Variants in VWDE observed in about 807,000 individuals in gnomAD.
VWDE encodes the protein von Willebrand factor D and EGF domains.
VWDE carries 207 observed loss-of-function variants against 178.4 expected under a neutral mutation model. The observed-to-expected ratio is 1.16, with a 90% CI of 1.04 to 1.30. The LOEUF is 1.30. Among genes scored for constraint, VWDE ranks in the 50% most tolerant of loss-of-function variants. The pLI is 0.00. For missense variants in VWDE, 2,287 were observed against 1,901.3 expected, an observed-to-expected ratio of 1.20 and a Z score of -3.77; for synonymous variants, 738 against 651.4, an observed-to-expected ratio of 1.13 and a Z score of -2.02.
intron 13 of VWDE, among the ~76,000 whole-genome samples, chr7:12,363,611 T>C (rs969830095): frequency 6.6e-6 from 1 of 152,048 alleles, no homozygotes; most frequent in African/African-American, 2.4e-5. Context: ...CTATCCATTT[T>C]TTGTACCAAA....
In VWDE at chr7:12,357,487, C is replaced by T. The variant is rs973187338; in HGVS notation, c.3303G>A (p.Leu1101=). ...CATAAAATGTCTGTAATTTGTCTTG[C>T]AATGCTTGAATCACTGGGGGCTGGT... ...ENNQPPVIQA[L]QDKLQTFYGE... is the part of the protein sequence containing the mutation. Residue 1101 remains leucine (L), a synonymous_variant, in exon 17 of 29, where the codon TTG becomes TTA. Transcript: ENST00000275358. The T allele has an allele frequency of 1.3e-6, 2 of 1,552,032 alleles. No individual in the cohort carries two copies. The highest frequency in any genetic ancestry group is 1.4e-5 in the African/African-American group (1 of 73,000).
chr7:12,386,281 T>C (rs908159050), intron 3 of VWDE, among the ~76,000 whole-genome samples: 1 of 152,204 alleles, frequency 6.6e-6, no homozygotes, highest in Admixed American at 6.5e-5. Context: ...GATGCATCTC[T>C]CTGGATTTTC....
At chr7:12,384,351 G>A (rs1323607115) in intron 3 of VWDE, among the ~76,000 whole-genome samples, 1 of 151,970 alleles carries the variant, frequency 6.6e-6, no homozygotes, top group Non-Finnish European at 1.5e-5. Context: ...TGAGAGGAGG[G>A]AGGGGTGAAC....
chr7:12,332,091 A>G (rs944980792), intron 28 of VWDE, among the ~76,000 whole-genome samples: 9 of 152,088 alleles, frequency 5.9e-5, no homozygotes, highest in Admixed American at 6.6e-5. Context: ...AGAAGGTTCT[A>G]TGGATACCCA....
chr7:12,359,210 T>C (rs1466186576), intron 16 of VWDE, among the ~76,000 whole-genome samples: 1 of 152,178 alleles, frequency 6.6e-6, no homozygotes, highest in Non-Finnish European at 1.5e-5. Flanking sequence ...CACACAACAG[T>C]AGTACTGGAA....
chr7:12,364,068 G>A (rs184415602), intron 13 of VWDE, among the ~76,000 whole-genome samples: 3 of 151,966 alleles, frequency 2.0e-5, no homozygotes, highest in South Asian at 4.1e-4. Flanking sequence ...TGGATCATGA[G>A]AGCCAGTTTT....
chr7:12,354,540 A>G (rs1292898669), intron 18 of VWDE: 4 of 295,450 alleles, frequency 1.4e-5, no homozygotes, highest in African/African-American at 9.1e-5. Flanking sequence ...AAAACATCGT[A>G]TGTCCAATTG....
At position 12,379,823 on chromosome 7, in the gene VWDE, G is replaced by A. The variant is rs537563079; in HGVS notation, c.790-257C>T. ...TTAAAAAGTACTTAAGGCCGGGTGC[G>A]GTGGCTCACGCCTGTAATCCCAGCA... On this transcript the variant is annotated intron_variant, in intron 5 of 28. Transcript: ENST00000275358. Among the ~76,000 whole-genome samples, 15 of 152,164 alleles carry A rather than the reference G, an allele frequency of 9.9e-5. No homozygotes were observed. The South Asian group carries it at 2.9e-3, about 29-fold the overall frequency.
chr7:12,357,657 T>A (rs1447165602), intron 16 of VWDE, 142 bp from the exon 17 acceptor site: 24 of 936,102 alleles, frequency 2.6e-5, no homozygotes, highest in Non-Finnish European at 3.7e-5. Flanking sequence ...TTTTTTTTTT[T>A]AACATTCTGA....
In VWDE at chr7:12,333,502, G is replaced by A. The variant is rs753572266; in HGVS notation, c.4721C>T (p.Thr1574Ile). 1 of 1,551,062 alleles carries A rather than the reference G, an allele frequency of 6.4e-7. No homozygotes were observed. The highest frequency in any genetic ancestry group is 1.2e-5 in the South Asian group (1 of 84,022). ...CIFPNVCSCR[T>I]EYSGVKCEKK... ...CTCACATTTGACTCCAGAGTATTCA[G>A]TGCGGCAGGAACACACATTGGGAAA... is the stretch of plus-strand genomic sequence containing the variant. Residue 1574 changes from threonine to isoleucine, a missense_variant, in exon 28 of 29, where the codon ACT becomes ATT. Transcript: ENST00000275358.
chr7:12,396,855 A>C (rs947331255), intron 1 of VWDE, among the ~76,000 whole-genome samples: 6 of 152,204 alleles, frequency 3.9e-5, no homozygotes, highest in Non-Finnish European at 7.3e-5. Context: ...GAATCACTTG[A>C]ACCCAGGAGA....
chr7:12,399,554 T>C (rs928090085), intron 1 of VWDE, among the ~76,000 whole-genome samples: 2 of 152,108 alleles, frequency 1.3e-5, no homozygotes, highest in Admixed American at 6.6e-5. Context: ...AGAACAACAA[T>C]ATAAACCAAC....
intron 7 of VWDE, among the ~76,000 whole-genome samples, chr7:12,376,773 C>G (rs564023114): frequency 6.6e-6 from 1 of 151,976 alleles, no homozygotes. Flanking sequence ...GAAATCTGAG[C>G]GAGTAGGTAG....
chr7:12,389,843 T>C (rs550854730), intron 2 of VWDE, among the ~76,000 whole-genome samples: 22 of 152,256 alleles, frequency 1.4e-4, no homozygotes, highest in Admixed American at 1.2e-3. Flanking sequence ...AATCTGGTGA[T>C]GGAAAAATTG....
chr7:12,373,093 T>G lies in VWDE; in HGVS notation c.1471A>C (p.Thr491Pro), dbSNP rs947589392. 1.2e-5 allele frequency: 19 copies of G among 1,551,198 alleles called. No homozygotes were observed. The highest frequency in any genetic ancestry group is 1.5e-5 in the Non-Finnish European group (17 of 1,146,780). Residue 491 changes from threonine (T) to proline (P), a missense_variant, in exon 10 of 29, where the codon ACT becomes CCT. By Grantham distance (38) the Thr-to-Pro change is conservative (BLOSUM62 -1). Transcript: ENST00000275358. The part of the protein sequence containing the change: ...FVAQEGGDIV[T>P]FDMCNGQLRE... ...AGCTGACCATTGCACATATCAAAAG[T>G]AACTATATCACCTCCTTCCTGGGCA...
intron 28 of VWDE, among the ~76,000 whole-genome samples, chr7:12,332,396 A>G (rs1562453632): frequency 2.0e-5 from 3 of 151,942 alleles, no homozygotes; most frequent in African/African-American, 7.3e-5. Context: ...GGGGATAAAG[A>G]TGATTTGCTA....
chr7:12,340,413 C>G lies in VWDE; in HGVS notation c.4275G>C (p.Leu1425Phe). Residue 1425 changes from leucine to phenylalanine, a missense_variant, in exon 24 of 29, where the codon TTG becomes TTC. Transcript: ENST00000275358. The stretch of plus-strand genomic sequence containing the variant: ...CACCATTGAGGCAGACAGGGTCGCA[C>G]AAAGCTAATAAACAGCAGGAGGAAA... ...GWYGPTCSTA[L>F]CDPVCLNGGS... The G allele has an allele frequency of 6.5e-7, 1 of 1,549,984 alleles. No individual in the cohort carries two copies. The highest frequency in any genetic ancestry group is 8.7e-7 in the Non-Finnish European group (1 of 1,146,156).
intron 1 of VWDE, among the ~76,000 whole-genome samples, chr7:12,396,124 G>GA: frequency 6.6e-6 from 1 of 152,196 alleles, no homozygotes; most frequent in East Asian, 1.9e-4. Flanking sequence ...TGTCAAGTTA[G>GA]AAATAATAGA....
intron 15 of VWDE, among the ~76,000 whole-genome samples, chr7:12,360,944 T>C (rs1782541279): frequency 6.6e-6 from 1 of 152,156 alleles, no homozygotes; most frequent in African/African-American, 2.4e-5. Flanking sequence ...AGAAGTAATC[T>C]GCCATTTCAA....
Sources: allele counts gnomAD v4.1 joint callset (sites outside exome capture counted in the v4.1 genomes callset), GRCh38; gene constraint gnomAD v4.1.1; transcripts MANE v1.5; gene names NCBI Gene and HGNC (gene_info 2026-07-23, HGNC 2026-07-21).